BMPER: variants seen among roughly 807,000 people sequenced by gnomAD.
BMPER encodes the protein BMP binding endothelial regulator, also known as BMP-binding endothelial regulator protein.
A neutral mutation model predicts 87.3 loss-of-function variants in BMPER; 45 were observed. The observed-to-expected ratio is 0.52, with a 90% CI of 0.41 to 0.66. The LOEUF (loss-of-function observed/expected upper bound fraction) is 0.66. Among genes scored for constraint, BMPER ranks in the 30% least tolerant of loss-of-function variants. The pLI is 0.00. For synonymous variants in BMPER, 326 were observed against 316.2 expected, an observed-to-expected ratio of 1.03 and a Z score of -0.33; for missense variants, 784 against 867.5, an observed-to-expected ratio of 0.90 and a Z score of 1.21.
intron 13 of BMPER, among the ~76,000 whole-genome samples, chr7:34,086,304 T>C (rs950009222): frequency 6.6e-6 from 1 of 152,168 alleles, no homozygotes; most frequent in African/African-American, 2.4e-5. Context: ...CAGAGCGATG[T>C]CCTCCAGGCA....
chr7:34,003,179 GTACACACACACACATATA>G lies in BMPER; in HGVS notation c.576+28416_576+28433del, dbSNP rs1254856584. Among the ~76,000 whole-genome samples, 31 of 151,396 alleles carry G rather than the reference GTACACACACACACATATA, an allele frequency of 2.0e-4. 1 individual carries two copies. The highest frequency in any genetic ancestry group is 1.5e-3 in the South Asian group (7 of 4,788). ...ATATAAATTTCTAGTATAAATGTGT[GTACACACACACACATATA>G]TACACACACACACATATATATACAC... On this transcript the variant is annotated intron_variant, in intron 6 of 14. Transcript: ENST00000649409.
chr7:33,994,478 C>T (rs1473518243), intron 6 of BMPER, among the ~76,000 whole-genome samples: 1 of 152,208 alleles, frequency 6.6e-6, no homozygotes, highest in African/African-American at 2.4e-5. Flanking sequence ...CCTGCTTTGG[C>T]TCGCGCATGG....
chr7:34,146,532 C>G (rs542881102), intron 14 of BMPER, among the ~76,000 whole-genome samples: 1 of 152,150 alleles, frequency 6.6e-6, no homozygotes, highest in Non-Finnish European at 1.5e-5. Flanking sequence ...TTACTATTCA[C>G]TCTTTTTAAG....
intron 6 of BMPER, among the ~76,000 whole-genome samples, chr7:34,024,384 A>AAAATATAT (rs1562695193): frequency 4.3e-5 from 1 of 23,432 alleles, no homozygotes; most frequent in African/African-American, 2.1e-4. Context: ...AAAAAAAAAC[A>AAAATATAT]ATATATATAT....
chr7:33,909,779 G>A (rs1585625678), intron 2 of BMPER, among the ~76,000 whole-genome samples: 1 of 151,814 alleles, frequency 6.6e-6, no homozygotes, highest in African/African-American at 2.4e-5. Flanking sequence ...ACAAAGTCCT[G>A]TATATAATTA....
intron 6 of BMPER, among the ~76,000 whole-genome samples, chr7:34,037,240 T>C (rs1787701630): frequency 6.6e-6 from 1 of 152,202 alleles, no homozygotes; most frequent in Admixed American, 6.5e-5. Flanking sequence ...GGAACTATGG[T>C]AAAGACATTT....
intron 7 of BMPER, among the ~76,000 whole-genome samples, 169 bp downstream of exon 7, chr7:34,046,574 G>C (rs1166975322): frequency 6.6e-6 from 1 of 152,190 alleles, no homozygotes; most frequent in Non-Finnish European, 1.5e-5. Flanking sequence ...TACAGGGTTT[G>C]CTTCTTAACG....
At chr7:33,910,745 TA>T (rs200026665) in intron 2 of BMPER, among the ~76,000 whole-genome samples, 5,863 of 152,286 alleles carry the variant, frequency 0.038, 272 homozygotes, top group African/African-American at 0.1. Context: ...GCCAATCAAA[TA>T]GTGAAGACAG....
chr7:33,989,014 A>G (rs1786108369), intron 6 of BMPER, among the ~76,000 whole-genome samples: 1 of 139,156 alleles, frequency 7.2e-6, no homozygotes, highest in Non-Finnish European at 1.5e-5. Context: ...CCAGTCTATC[A>G]TTGTTGGACA....
intron 10 of BMPER, 37 bp from the exon 11 acceptor site, chr7:34,061,965 T>TTTTA: frequency 5.3e-6 from 8 of 1,519,758 alleles, no homozygotes; most frequent in Non-Finnish European, 6.3e-6. Context: ...TTTTTTTTTT[T>TTTTA]AAACAGTAAC....
rs1791236254 is a variant in BMPER, at chr7:34,153,433, C to T, written c.*160C>T. On this transcript the variant is annotated 3_prime_UTR_variant, in exon 15 of 15. Coordinates refer to ENST00000649409, the MANE Select transcript of BMPER (RefSeq NM_001365308.1). ...ATAGATATATTCAAAAACATTGCAT[C>T]ATTTATATGAACTATAGGGGGATTA... 2.8e-6 allele frequency: 2 copies of T among 720,428 alleles called. No homozygotes were observed. The highest frequency in any genetic ancestry group is 3.6e-5 in the African/African-American group (2 of 55,994). The allele number at this position is 720,428 out of a possible 1,614,324, so 44.6% of individuals were successfully genotyped here.
chr7:33,931,478 T>A (rs1784480145), intron 2 of BMPER, among the ~76,000 whole-genome samples: 1 of 152,208 alleles, frequency 6.6e-6, no homozygotes, highest in African/African-American at 2.4e-5. Context: ...AGAAGAAAGC[T>A]GCTATGTAAA....
intron 3 of BMPER, chr7:33,940,140 G>A (rs574243378): frequency 6.2e-6 from 1 of 160,670 alleles, no homozygotes; most frequent in East Asian, 1.7e-4. Context: ...AATAGCAATT[G>A]CTATCGTTTG....
At chr7:34,023,342 A>C (rs1787248920) in intron 6 of BMPER, among the ~76,000 whole-genome samples, 1 of 152,102 alleles carries the variant, frequency 6.6e-6, no homozygotes, top group South Asian at 2.1e-4. Context: ...AGGGTGACAA[A>C]GATTTAGCTT....
chr7:34,123,438 G>A (rs1227757639), intron 13 of BMPER, among the ~76,000 whole-genome samples: 1 of 152,186 alleles, frequency 6.6e-6, no homozygotes, highest in African/African-American at 2.4e-5. Context: ...CTGCACATTG[G>A]TGTCACCTGG....
intron 13 of BMPER, among the ~76,000 whole-genome samples, chr7:34,133,391 G>A (rs1463090833): frequency 1.3e-5 from 2 of 150,666 alleles, no homozygotes; most frequent in African/African-American, 2.5e-5. Context: ...GGTTCTGGAA[G>A]GTGGTGTGCC....
intron 13 of BMPER, among the ~76,000 whole-genome samples, chr7:34,106,648 G>A (rs1020118167): frequency 6.6e-6 from 1 of 152,224 alleles, no homozygotes; most frequent in Non-Finnish European, 1.5e-5. Context: ...CCACACGCAG[G>A]TGCTGCCTTA....
chr7:34,034,298 G>T (rs1212871615), intron 6 of BMPER, among the ~76,000 whole-genome samples: 1 of 152,164 alleles, frequency 6.6e-6, no homozygotes, highest in Non-Finnish European at 1.5e-5. Flanking sequence ...TTGTGGATTT[G>T]TGCTATACTG....
chr7:33,997,098 C>G (rs1253670665), intron 6 of BMPER, among the ~76,000 whole-genome samples: 1 of 152,196 alleles, frequency 6.6e-6, no homozygotes, highest in Non-Finnish European at 1.5e-5. Flanking sequence ...TGTTGATATT[C>G]TCTACCCAGT....
Sources: gnomAD v4.1 joint callset for allele counts (sites outside exome capture counted in the v4.1 genomes callset) on GRCh38, gnomAD v4.1.1 for gene constraint, MANE v1.5 for transcripts, NCBI Gene and HGNC (gene_info 2026-07-23, HGNC 2026-07-21) for gene names.